The following CREB3L2 variants were observed in gnomAD, a reference collection of about 807,000 sequenced individuals.
CREB3L2 encodes the protein cAMP responsive element binding protein 3 like 2.
In CREB3L2, 23 loss-of-function variants were observed where a neutral mutation model predicts 57.2. That is an observed-to-expected ratio of 0.40 (90% CI 0.29 to 0.57). CREB3L2 has a LOEUF of 0.57. Ranked by LOEUF, CREB3L2 falls within the 20% of genes least tolerant of loss-of-function variation. CREB3L2 has a pLI of 0.42. For synonymous variants in CREB3L2, 268 were observed against 265.1 expected (o/e 1.01, Z -0.11); for missense variants, 628 against 634.7 (o/e 0.99, Z 0.11).
intron 1 of CREB3L2, among the ~76,000 whole-genome samples, chr7:137,932,801 G>A (rs894711751): frequency 3.3e-5 from 5 of 152,198 alleles, no homozygotes; most frequent in Non-Finnish European, 4.4e-5. Flanking sequence ...TCAGACAGAC[G>A]CTGGGGATAC....
intron 1 of CREB3L2, chr7:137,955,350 G>A (rs1181607079): frequency 7.8e-7 from 1 of 1,282,500 alleles, no homozygotes; most frequent in Non-Finnish European, 1.0e-6. Flanking sequence ...AGCACCACAG[G>A]ATGGGGGAGG....
At chr7:137,919,836 A>G (rs1287751819) in intron 2 of CREB3L2, among the ~76,000 whole-genome samples, 1 of 152,246 alleles carries the variant, frequency 6.6e-6, no homozygotes, top group African/African-American at 2.4e-5. Context: ...TAAAGAAGAA[A>G]GTGATAGAAA....
At chr7:137,932,049 A>G (rs1486477762) in intron 1 of CREB3L2, among the ~76,000 whole-genome samples, 2 of 152,182 alleles carry the variant, frequency 1.3e-5, no homozygotes, top group African/African-American at 2.4e-5. Context: ...CCAGGTCTTT[A>G]TCCTTTTACT....
intron 1 of CREB3L2, among the ~76,000 whole-genome samples, chr7:137,991,976 C>G (rs1801907322): frequency 6.6e-6 from 1 of 151,318 alleles, no homozygotes; most frequent in African/African-American, 2.4e-5. Flanking sequence ...ATAATTCTAA[C>G]AAGAATCGGG....
At chr7:137,953,338 C>A in intron 1 of CREB3L2, 1 of 494,022 alleles carries the variant, frequency 2.0e-6, no homozygotes, top group Non-Finnish European at 3.6e-6. Context: ...CTCCACATAA[C>A]ACATTCCTTC....
Position 138,001,773 on chromosome 7 carries a change from C to G in CREB3L2, c.-68G>C. The G allele has an allele frequency of 8.6e-7, 1 of 1,164,824 alleles. No individual in the cohort carries two copies. The highest frequency in any genetic ancestry group is 2.9e-4 in the Middle Eastern group (1 of 3,488). 72.2% of individuals were successfully genotyped at this position (1,164,824 alleles called of 1,614,324 possible). The stretch of plus-strand genomic sequence containing the variant: ...GGGGACGCGCAGAGCTGCCTCGGAC[C>G]GGCAAGGTTCCTCTCTCTCCGCGTG... On this transcript the variant is annotated 5_prime_UTR_variant, in exon 1 of 12. Coordinates refer to ENST00000330387, the MANE Select transcript of CREB3L2 (RefSeq NM_194071.4). The surrounding 1 kb of genome is among the most constrained non-coding windows in gnomAD (Gnocchi z 4.2).
chr7:137,886,690 C>A (rs1232977954), intron 8 of CREB3L2, among the ~76,000 whole-genome samples: 2 of 150,846 alleles, frequency 1.3e-5, no homozygotes, highest in Non-Finnish European at 2.9e-5. Flanking sequence ...CAGATTCTAG[C>A]CTTTCTCCAG....
chr7:137,941,273 G>T (rs952241330), intron 1 of CREB3L2, among the ~76,000 whole-genome samples: 1 of 152,158 alleles, frequency 6.6e-6, no homozygotes, highest in Non-Finnish European at 1.5e-5. Flanking sequence ...TGAATTCATC[G>T]ATACAAGTCT....
rs572206646 is a variant in CREB3L2 at position 137,875,022 on chromosome 7, C to G, written c.*5454G>C. ...TATTTATTTGCAAGAAATGGAAATA[C>G]AAAAGCATAACAATTTCAATTTATT... is the stretch of plus-strand genomic sequence containing the variant. On this transcript the variant is annotated 3_prime_UTR_variant, in exon 12 of 12. Transcript: ENST00000330387. 1 of 180,290 alleles carries G rather than the reference C, an allele frequency of 5.5e-6. No individual in the cohort carries two copies. Among genetic ancestry groups the G allele is most frequent in the Non-Finnish European group, 1.2e-5 (1 of 85,764 alleles). The allele number at this position is 180,290 out of a possible 1,614,324, so 11.2% of individuals were successfully genotyped here. A position where few individuals can be genotyped will look rare whatever the true frequency, so the allele number is the denominator to read the frequency against.
At position 137,980,007 on chromosome 7, in the gene CREB3L2, G is replaced by A. The variant is rs550563781; in HGVS notation, c.102+21597C>T. 6.6e-6 allele frequency among the ~76,000 whole-genome samples: 1 copy of A among 152,322 alleles called. No individual in the cohort carries two copies. Among genetic ancestry groups the A allele is most frequent in the South Asian group, 2.1e-4 (1 of 4,822 alleles). On this transcript the variant is annotated intron_variant, in intron 1 of 11. Transcript: ENST00000330387. The surrounding 1 kb of genome is among the most constrained non-coding windows in gnomAD (Gnocchi z 4.3). Reference sequence around the variant, plus strand: ...GGTGAGTCCAATCAGCCTCACAGGAGGCAGCAGAATATTCTAGCCAGCAGT... The same window carrying A: ...GGTGAGTCCAATCAGCCTCACAGGAAGCAGCAGAATATTCTAGCCAGCAGT...
rs1563262336 is a variant in CREB3L2, at chr7:137,946,902, ATATATATAGTTATATATATAGT to A, written c.103-18558_103-18537del. ...TATCTATATAGTTATATATATAGTT[ATATATATAGTTATATATATAGT>A]TATATATATAGTTATATATATAGTT... On this transcript the variant is annotated intron_variant, in intron 1 of 11. Coordinates refer to ENST00000330387, the MANE Select transcript of CREB3L2 (RefSeq NM_194071.4). Among the ~76,000 whole-genome samples, 89 of 25,704 alleles carry A rather than the reference ATATATATAGTTATATATATAGT, an allele frequency of 3.5e-3. 7 individuals carry two copies. The highest frequency in any genetic ancestry group is 0.011 in the African/African-American group (81 of 7,456). 16.9% of individuals were successfully genotyped at this position (25,704 alleles called of 152,430 possible).
At chr7:137,918,914 C>A (rs1800210738) in intron 2 of CREB3L2, among the ~76,000 whole-genome samples, 1 of 152,076 alleles carries the variant, frequency 6.6e-6, no homozygotes, top group Non-Finnish European at 1.5e-5. Context: ...ATACAAATAT[C>A]ATCAGTGCTG....
intron 2 of CREB3L2, among the ~76,000 whole-genome samples, chr7:137,920,508 G>A (rs924827086): frequency 2.0e-4 from 30 of 152,162 alleles, no homozygotes; most frequent in African/African-American, 7.0e-4. Flanking sequence ...GGTAGATTAC[G>A]ATAATAAATG....
intron 4 of CREB3L2, among the ~76,000 whole-genome samples, chr7:137,909,783 C>T (rs1382418652): frequency 6.6e-6 from 1 of 152,188 alleles, no homozygotes; most frequent in African/African-American, 2.4e-5. Context: ...TGTGTCCCCA[C>T]CCAAATCTCA....
At chr7:137,976,067 CA>C (rs1413549261) in intron 1 of CREB3L2, among the ~76,000 whole-genome samples, 1 of 152,228 alleles carries the variant, frequency 6.6e-6, no homozygotes, top group Non-Finnish European at 1.5e-5. Flanking sequence ...CAGCATCTTT[CA>C]AAAACATCTC....
chr7:137,885,572 A>G, intron 8 of CREB3L2, 70 bp from the exon 9 acceptor site: 1 of 1,271,678 alleles, frequency 7.9e-7, no homozygotes, highest in East Asian at 2.3e-5. Flanking sequence ...TCTCCATGTG[A>G]CCCAAGAAGG....
chr7:137,897,897 T>G (rs555312288), intron 8 of CREB3L2, among the ~76,000 whole-genome samples: 1 of 152,274 alleles, frequency 6.6e-6, no homozygotes, highest in Admixed American at 6.5e-5. Context: ...AGTCGAAACG[T>G]ATGATAAACA....
At chr7:137,887,636 G>C (rs929944663) in intron 8 of CREB3L2, among the ~76,000 whole-genome samples, 1 of 152,076 alleles carries the variant, frequency 6.6e-6, no homozygotes, top group South Asian at 2.1e-4. Context: ...TTGAACCCAG[G>C]AGGCAGAGGT....
intron 4 of CREB3L2, among the ~76,000 whole-genome samples, chr7:137,910,535 G>A (rs779392046): frequency 6.6e-6 from 1 of 152,016 alleles, no homozygotes; most frequent in Non-Finnish European, 1.5e-5. Flanking sequence ...CGAATGCCAT[G>A]AATATTATGG....
Sources: allele counts gnomAD v4.1 joint callset (sites outside exome capture counted in the v4.1 genomes callset), GRCh38; gene constraint gnomAD v4.1.1; non-coding constraint Gnocchi (gnomAD v3.1); transcripts MANE v1.5; gene names NCBI Gene and HGNC (gene_info 2026-07-23, HGNC 2026-07-21).